Variants in CTNNA3 observed in about 807,000 individuals in gnomAD.
CTNNA3 encodes the protein catenin alpha 3.
Under a neutral mutation model 95.7 loss-of-function variants are expected in CTNNA3, and 76 were observed. The ratio of observed to expected loss-of-function variants is 0.79; its 90% CI spans 0.66 to 0.96. CTNNA3 has a LOEUF of 0.96. Among genes scored for constraint, CTNNA3 ranks in the 40% least tolerant of loss-of-function variants. CTNNA3 has a pLI of 0.00. For synonymous variants in CTNNA3, 431 were observed against 374.4 expected (o/e 1.15, Z -1.74); for missense variants, 1,191 against 1,089.8 (o/e 1.09, Z -1.31).
chr10:67,150,426 C>T (rs972774321), intron 7 of CTNNA3, among the ~76,000 whole-genome samples: 31 of 152,220 alleles, frequency 2.0e-4, no homozygotes, highest in Admixed American at 2.0e-3. Context: ...TGGCCATTTG[C>T]TTAAATACCA....
chr10:66,836,983 G>C (rs1842906959), intron 7 of CTNNA3, among the ~76,000 whole-genome samples: 1 of 151,896 alleles, frequency 6.6e-6, no homozygotes, highest in Non-Finnish European at 1.5e-5. Context: ...TCATACACTG[G>C]ATAACTAGCC....
intron 1 of CTNNA3, among the ~76,000 whole-genome samples, chr10:67,693,008 G>C (rs1840898614): frequency 6.6e-6 from 1 of 152,110 alleles, no homozygotes; most frequent in Non-Finnish European, 1.5e-5. Flanking sequence ...TCCTGGTTAG[G>C]ATAATGAAAG....
chr10:67,229,456 A>C (rs749243829), intron 5 of CTNNA3, among the ~76,000 whole-genome samples: 1 of 152,190 alleles, frequency 6.6e-6, no homozygotes, highest in Non-Finnish European at 1.5e-5. Context: ...TAGTACTGGA[A>C]GTCCTAGCCA....
intron 13 of CTNNA3, among the ~76,000 whole-genome samples, chr10:66,222,331 G>A (rs1208424949): frequency 6.6e-6 from 1 of 152,092 alleles, no homozygotes; most frequent in Non-Finnish European, 1.5e-5. Flanking sequence ...AGTGTAGAAA[G>A]GGCCATTGCT....
chr10:66,739,865 A>G (rs1178693623), intron 9 of CTNNA3, among the ~76,000 whole-genome samples: 1 of 152,218 alleles, frequency 6.6e-6, no homozygotes, highest in Non-Finnish European at 1.5e-5. Flanking sequence ...ATATGTGTAT[A>G]CATATATATC....
chr10:65,938,284 A>G (rs2077374783), intron 17 of CTNNA3, among the ~76,000 whole-genome samples: 1 of 152,274 alleles, frequency 6.6e-6, no homozygotes, highest in East Asian at 1.9e-4. Flanking sequence ...TGCTTCGTAA[A>G]CCATCTGAAA....
intron 5 of CTNNA3, among the ~76,000 whole-genome samples, chr10:67,383,437 T>C (rs571058610): frequency 1.8e-4 from 28 of 152,302 alleles, no homozygotes; most frequent in African/African-American, 6.3e-4. Flanking sequence ...GATTAGAATA[T>C]ACCAGTAAGT....
intron 9 of CTNNA3, among the ~76,000 whole-genome samples, chr10:66,706,626 G>A (rs10997321): frequency 0.032 from 4,901 of 152,056 alleles, 206 homozygotes; most frequent in East Asian, 0.22. Context: ...ACAGGAAGGA[G>A]AATGTCAGCT....
chr10:67,057,343 A>G (rs1855499281), intron 7 of CTNNA3, among the ~76,000 whole-genome samples: 1 of 152,094 alleles, frequency 6.6e-6, no homozygotes, highest in South Asian at 2.1e-4. Flanking sequence ...ATTATTAACT[A>G]TAGTCACCAT....
intron 7 of CTNNA3, among the ~76,000 whole-genome samples, chr10:66,894,869 G>A (rs1845412935): frequency 6.6e-6 from 1 of 151,632 alleles, no homozygotes; most frequent in African/African-American, 2.4e-5. Flanking sequence ...CTTGAAGCAA[G>A]TCTTTGTAGA....
intron 5 of CTNNA3, among the ~76,000 whole-genome samples, chr10:67,503,689 T>C (rs1839304254): frequency 6.6e-6 from 1 of 152,210 alleles, no homozygotes; most frequent in South Asian, 2.1e-4. Flanking sequence ...CTTTAAAATG[T>C]AGGGTGATAA....
intron 12 of CTNNA3, among the ~76,000 whole-genome samples, chr10:66,299,642 C>A (rs2091832093): frequency 6.6e-6 from 1 of 152,002 alleles, no homozygotes; most frequent in Non-Finnish European, 1.5e-5. Context: ...TCTATACTAT[C>A]CATTCAGAGA....
intron 16 of CTNNA3, among the ~76,000 whole-genome samples, chr10:65,983,666 TTAAATA>T (rs1441239080): frequency 6.6e-6 from 1 of 151,422 alleles, no homozygotes; most frequent in African/African-American, 2.4e-5. Context: ...TCTACAAGAC[TTAAATA>T]TATCTTTGAT....
At chr10:66,670,152 G>C (rs7099167) in intron 9 of CTNNA3, among the ~76,000 whole-genome samples, 89 of 152,142 alleles carry the variant, frequency 5.8e-4, no homozygotes, top group African/African-American at 2.1e-3. Flanking sequence ...CACTATGGGG[G>C]GGATACGCAT....
At chr10:67,057,773 T>G (rs1855527758) in intron 7 of CTNNA3, among the ~76,000 whole-genome samples, 2 of 152,148 alleles carry the variant, frequency 1.3e-5, no homozygotes, top group Admixed American at 6.5e-5. Flanking sequence ...ACTCTCACTA[T>G]TCTCTCAGCT....
chr10:67,126,430 G>A (rs1020054595), intron 7 of CTNNA3, among the ~76,000 whole-genome samples: 2 of 152,234 alleles, frequency 1.3e-5, no homozygotes, highest in African/African-American at 4.8e-5. Flanking sequence ...GGGAGACTGA[G>A]GCGGGAGAAT....
intron 10 of CTNNA3, among the ~76,000 whole-genome samples, chr10:66,579,112 T>A (rs1365707647): frequency 1.3e-5 from 2 of 151,802 alleles, no homozygotes; most frequent in East Asian, 3.9e-4. Context: ...GTTTTTCTAG[T>A]TTGTGTGCAT....
At chr10:66,373,281 T>G (rs1478935953) in intron 12 of CTNNA3, among the ~76,000 whole-genome samples, 1 of 152,116 alleles carries the variant, frequency 6.6e-6, no homozygotes, top group Non-Finnish European at 1.5e-5. Context: ...GCCATTCTTA[T>G]TTTAGTTCTT....
intron 7 of CTNNA3, among the ~76,000 whole-genome samples, chr10:67,177,173 C>G (rs747086988): frequency 7.9e-5 from 12 of 152,062 alleles, no homozygotes; most frequent in Non-Finnish European, 1.5e-4. Flanking sequence ...CGTTATAGAC[C>G]CATCTCATCT....
Sources: gnomAD v4.1 joint callset for allele counts (sites outside exome capture counted in the v4.1 genomes callset) on GRCh38, gnomAD v4.1.1 for gene constraint, MANE v1.5 for transcripts, NCBI Gene and HGNC (gene_info 2026-07-23, HGNC 2026-07-21) for gene names.